The following GCC2 variants were observed in gnomAD, a reference collection of about 807,000 sequenced individuals.
GCC2 encodes GRIP and coiled-coil domain-containing protein 2.
Under a neutral mutation model 210.6 loss-of-function variants are expected in GCC2, and 120 were observed. That is an observed-to-expected ratio of 0.57 (90% CI 0.49 to 0.66). The LOEUF (loss-of-function observed/expected upper bound fraction) is 0.66, where lower values mean the gene tolerates loss of function less well. Ranked by LOEUF, GCC2 falls within the 30% of genes least tolerant of loss-of-function variation. GCC2 has a pLI of 0.00. For missense variants in GCC2, 1,868 were observed against 1,871.9 expected, an observed-to-expected ratio of 1.00 and a Z score of 0.04; for synonymous variants, 703 against 652.7, an observed-to-expected ratio of 1.08 and a Z score of -1.17.
chr2:108,468,061 CTT>C (rs1323922121), intron 4 of GCC2, among the ~76,000 whole-genome samples: 1 of 109,660 alleles, frequency 9.1e-6, no homozygotes, highest in African/African-American at 3.4e-5. Flanking sequence ...TAATAATTTT[CTT>C]TTTCTTTTTT....
intron 22 of GCC2, among the ~76,000 whole-genome samples, chr2:108,501,448 C>G (rs765453368): frequency 3.5e-4 from 53 of 152,020 alleles, no homozygotes; most frequent in South Asian, 1.9e-3. Flanking sequence ...ATAGGAAGAT[C>G]CAGGTGCAGT....
chr2:108,462,950 T>G (rs1308228473), intron 4 of GCC2, among the ~76,000 whole-genome samples: 3 of 152,274 alleles, frequency 2.0e-5, no homozygotes, highest in African/African-American at 7.2e-5. Flanking sequence ...AGTTCTGACA[T>G]TCTTTCTTTT....
chr2:108,489,981 A>T lies in GCC2; in HGVS notation c.4196A>T (p.Glu1399Val). 6.2e-7 allele frequency: 1 copy of T among 1,608,722 alleles called. No homozygotes were observed. Among genetic ancestry groups the T allele is most frequent in the Non-Finnish European group, 8.5e-7 (1 of 1,178,062 alleles). Residue 1399 changes from glutamate to valine, a missense_variant, in exon 18 of 23, where the codon GAA becomes GTA. Transcript: ENST00000309863. ...LLERHNKMLQ[E>V]TVSKEAELRE... ...GAAAGGCACAACAAGATGCTGCAGG[A>T]AACTGTGTCCAAAGAGGCGGAACTC...
chr2:108,452,691 C>CTTTTTTTTTTT (rs34444254), intron 4 of GCC2, among the ~76,000 whole-genome samples: 168 of 99,380 alleles, frequency 1.7e-3, no homozygotes, highest in Non-Finnish European at 2.3e-3. Context: ...TTTTTTCTTT[C>CTTTTTTTTTTT]TTTTTTTTTT....
intron 18 of GCC2, among the ~76,000 whole-genome samples, chr2:108,490,652 G>GC (rs1413327638): frequency 3.9e-5 from 6 of 152,112 alleles, no homozygotes; most frequent in Non-Finnish European, 7.4e-5. Context: ...AAAAATGAAA[G>GC]CAGGTTTAGC....
chr2:108,487,900 A>ATTTT (rs1008834430), intron 17 of GCC2, 80 bp downstream of exon 17: 86 of 647,920 alleles, frequency 1.3e-4, no homozygotes, highest in South Asian at 3.2e-4. Flanking sequence ...TCCTATTATG[A>ATTTT]TTTTTTTTTT....
At chr2:108,487,547 T>C in intron 16 of GCC2, 152 bp from the exon 17 acceptor site, 1 of 730,496 alleles carries the variant, frequency 1.4e-6, no homozygotes. Flanking sequence ...AGAAGTATGC[T>C]TTTTAGCAAG....
chr2:108,495,550 C>T (rs1379458068), intron 20 of GCC2, 65 bp downstream of exon 20: 1 of 1,133,016 alleles, frequency 8.8e-7, no homozygotes, highest in African/African-American at 1.6e-5. Flanking sequence ...ATTACTATTA[C>T]TCTAAGTTAC....
Position 108,481,796 on chromosome 2 carries a change from T to C in GCC2, c.3160T>C (p.Leu1054=). 6.4e-7 allele frequency: 1 copy of C among 1,570,444 alleles called. No individual in the cohort carries two copies. The highest frequency in any genetic ancestry group is 1.2e-5 in the South Asian group (1 of 82,846). Residue 1054 remains leucine, a synonymous_variant, in exon 10 of 23, where the codon TTA becomes CTA. Transcript: ENST00000309863. ...EHRIEDLTRQ[L]RNSTLQCETI... is the part of the protein sequence containing the mutation. Reference sequence around the variant, plus strand: ...TCGTATTGAAGACCTTACAAGACAATTAAGAAATTCGACTTTGCAGGTAAT... The same window carrying C: ...TCGTATTGAAGACCTTACAAGACAACTAAGAAATTCGACTTTGCAGGTAAT...
intron 2 of GCC2, among the ~76,000 whole-genome samples, chr2:108,450,561 T>C (rs1679880532): frequency 6.6e-6 from 1 of 152,210 alleles, no homozygotes; most frequent in African/African-American, 2.4e-5. Flanking sequence ...GCATAGCAAT[T>C]ACAGAATTGA....
Position 108,475,846 on chromosome 2 carries a change from A to G in GCC2, c.3056A>G (p.Tyr1019Cys), listed in dbSNP as rs112414104. 2.3e-4 allele frequency: 358 copies of G among 1,532,456 alleles called. 2 individuals are homozygous for G. The African/African-American group carries it at 3.8e-3, about 16-fold the overall frequency. 94.9% of individuals were successfully genotyped at this position (1,532,456 alleles called of 1,614,324 possible). Residue 1019 changes from tyrosine (Y) to cysteine (C), a missense_variant, in exon 9 of 23, where the codon TAT (tyrosine) becomes TGT (cysteine). Physicochemically the swap from Tyr to Cys is radical, Grantham distance 194. This residue lies in a region of GCC2 where 1,847 missense variants were observed against 1,765.2 expected (regional missense o/e 1.05). Transcript: ENST00000309863. ...MRDLIQGAES[Y>C]KNLLLEYEKQ... ...GATCTCATTCAAGGAGCAGAAAGCT[A>G]TAAGGTAAAAAATAGTCATTTTAAT...
intron 4 of GCC2, among the ~76,000 whole-genome samples, chr2:108,467,125 C>T (rs1680939232): frequency 6.6e-6 from 1 of 152,012 alleles, no homozygotes; most frequent in Non-Finnish European, 1.5e-5. Flanking sequence ...TTCCCATATA[C>T]GTTTAGAATT....
At chr2:108,478,671 T>C (rs936577978) in intron 9 of GCC2, among the ~76,000 whole-genome samples, 1 of 152,210 alleles carries the variant, frequency 6.6e-6, no homozygotes, top group Admixed American at 6.5e-5. Flanking sequence ...AAAATCAGAA[T>C]TTCCCAAAGG....
In GCC2 at chr2:108,470,393, T is replaced by A. The variant is rs1297778289; in HGVS notation, c.1064T>A (p.Val355Glu). Residue 355 changes from valine (V) to glutamate (E), a missense_variant, in exon 6 of 23, where the codon GTA becomes GAA. By Grantham distance (121) the Val-to-Glu change is moderately radical. This residue lies in a region of GCC2 where 1,847 missense variants were observed against 1,765.2 expected (regional missense o/e 1.05). Transcript: ENST00000309863. ...ESQHSILKDEVTYMNNLKLKL... is the reference protein window; with the variant it reads ...ESQHSILKDEETYMNNLKLKL... ...CAACACAGTATCTTAAAAGATGAGGTAACTTATATGAATAATCTTAAGTTA... is the reference window on the plus strand; with the variant it reads ...CAACACAGTATCTTAAAAGATGAGGAAACTTATATGAATAATCTTAAGTTA... 1.2e-6 allele frequency: 2 copies of A among 1,607,132 alleles called. No homozygotes were observed. The highest frequency in any genetic ancestry group is 2.7e-5 in the African/African-American group (2 of 74,658).
intron 17 of GCC2, among the ~76,000 whole-genome samples, chr2:108,488,318 A>G (rs1030785839): frequency 6.6e-6 from 1 of 152,188 alleles, no homozygotes; most frequent in African/African-American, 2.4e-5. Context: ...CTTCATTACA[A>G]AGAACACTGT....
chr2:108,449,876 GA>G (rs1679826725), intron 2 of GCC2, 187 bp downstream of exon 2: 1 of 508,072 alleles, frequency 2.0e-6, no homozygotes, highest in Non-Finnish European at 3.5e-6. Flanking sequence ...GATATAGAAA[GA>G]CTTTTTGTTT....
At chr2:108,493,485 A>G in intron 19 of GCC2, 1 of 987,172 alleles carries the variant, frequency 1.0e-6, no homozygotes, top group Non-Finnish European at 1.2e-6. Context: ...CATTAGATAG[A>G]GCAAGGAACT....
At chr2:108,496,861 C>G (rs1201006804) in intron 20 of GCC2, 109 bp from the exon 21 acceptor site, 5 of 1,444,008 alleles carry the variant, frequency 3.5e-6, no homozygotes, top group African/African-American at 2.9e-5. Context: ...AGAAAGCAGA[C>G]CTATAAAATA....
At position 108,486,576 on chromosome 2, in the gene GCC2, A is replaced by T; in HGVS notation, c.3858A>T (p.Glu1286Asp). The change falls in exon 16 of 23, where the codon GAA (glutamate) becomes GAT (aspartate). Residue 1286 changes from glutamate to aspartate, a missense_variant. This residue lies in a region of GCC2 where 1,847 missense variants were observed against 1,765.2 expected (regional missense o/e 1.05). Transcript: ENST00000309863. Reference sequence around the variant, plus strand: ...ACGAGCACCTGAAAACCTCTGCGGAACAGCACCAGCGTACGCTAAGTGCAT... The same window carrying T: ...ACGAGCACCTGAAAACCTCTGCGGATCAGCACCAGCGTACGCTAAGTGCAT... ...KIHEHLKTSAEQHQRTLSAYQ... is the reference protein window; with the variant it reads ...KIHEHLKTSADQHQRTLSAYQ... 1 of 1,614,116 alleles carries T rather than the reference A, an allele frequency of 6.2e-7. No homozygotes were observed. Among genetic ancestry groups the T allele is most frequent in the Non-Finnish European group, 8.5e-7 (1 of 1,179,920 alleles).
Sources: allele counts gnomAD v4.1 joint callset (sites outside exome capture counted in the v4.1 genomes callset), GRCh38; gene constraint gnomAD v4.1.1; regional missense constraint gnomAD v4.1.1; transcripts MANE v1.5; gene names NCBI Gene and HGNC (gene_info 2026-07-23, HGNC 2026-07-21).